AMER3: variants seen among roughly 807,000 people sequenced by gnomAD.
The protein encoded by AMER3 is family with sequence similarity 123C.
For synonymous variants in AMER3, 541 were observed against 485.5 expected (o/e 1.11, Z -1.50); for missense variants, 1,201 against 1,139.4 (o/e 1.05, Z -0.78).
Position 130,760,822 on chromosome 2 carries a change from C to G in AMER3, c.-19-1232C>G, listed in dbSNP as rs147765785. Among the ~76,000 whole-genome samples the G allele has an allele frequency of 1.3e-4, 20 of 152,214 alleles. No homozygotes were observed. In the East Asian group the frequency reaches 3.9e-3, roughly 29 times the overall value. The stretch of plus-strand genomic sequence containing the variant: ...AAGGCAGCATGTTTAAAAACTAAAC[C>G]CTAGCTCTTCTTTCACCTTGGCTCA... On this transcript the variant is annotated intron_variant, in intron 1 of 1. Coordinates refer to ENST00000321420, the MANE Select transcript of AMER3 (RefSeq NM_152698.3).
rs747613737 is a variant in AMER3 at position 130,763,587 on chromosome 2, C to T, written c.1515C>T (p.Thr505=). 6 of 1,609,308 alleles carry T rather than the reference C, an allele frequency of 3.7e-6. No homozygotes were observed. The East Asian group carries it at 1.3e-4, about 36-fold the overall frequency. ...LKLCDTELAI[T]MGIVSWLRRG... ...TGTGTGACACTGAGCTCGCCATCAC[C>T]ATGGGCATCGTCAGCTGGCTGCGCC... Residue 505 remains threonine (T), a synonymous_variant, in exon 2 of 2, where the codon ACC becomes ACT. Coordinates refer to ENST00000321420, the MANE Select transcript of AMER3 (RefSeq NM_152698.3).
In AMER3 at chr2:130,762,446, G is replaced by A. The variant is rs565272682; in HGVS notation, c.374G>A (p.Arg125His). Residue 125 changes from arginine to histidine, a missense_variant, in exon 2 of 2, where the codon CGC becomes CAC. Transcript: ENST00000321420. ...ASFPGSPGSR[R>H]MIDYRHFVPQ... is the part of the protein sequence containing the mutation. ...TTCCCGGGCTCCCCGGGCAGCCGGC[G>A]CATGATCGACTACCGCCACTTTGTG... The A allele has an allele frequency of 1.4e-5, 22 of 1,612,938 alleles. No individual in the cohort carries two copies. The highest frequency in any genetic ancestry group is 2.2e-5 in the East Asian group (1 of 44,874).
In AMER3 at chr2:130,762,411, C is replaced by T; in HGVS notation, c.339C>T (p.Gly113=). Residue 113 remains glycine, a synonymous_variant, in exon 2 of 2, where the codon GGC becomes GGT. Coordinates refer to ENST00000321420, the MANE Select transcript of AMER3 (RefSeq NM_152698.3). ...CGGCTGCCACAGGGCAGCTGGTGGGCAGTGCAAGCTTCCCGGGCTCCCCGG... is the reference window on the plus strand; with the variant it reads ...CGGCTGCCACAGGGCAGCTGGTGGGTAGTGCAAGCTTCCCGGGCTCCCCGG... ...RATAATGQLV[G]SASFPGSPGS... 2 of 1,612,238 alleles carry T rather than the reference C, an allele frequency of 1.2e-6. No individual in the cohort carries two copies. The highest frequency in any genetic ancestry group is 1.7e-6 in the Non-Finnish European group (2 of 1,179,742).
In AMER3 at chr2:130,764,284, G is replaced by T; in HGVS notation, c.2212G>T (p.Ala738Ser). 6.2e-7 allele frequency: 1 copy of T among 1,609,216 alleles called. No homozygotes were observed. The highest frequency in any genetic ancestry group is 2.2e-5 in the East Asian group (1 of 44,802). Residue 738 changes from alanine (A) to serine (S), a missense_variant, in exon 2 of 2, where the codon GCC becomes TCC. Coordinates refer to ENST00000321420, the MANE Select transcript of AMER3 (RefSeq NM_152698.3). ...MTTIHGLPYS[A>S]STQDQRCRDR... ...CACCATCCATGGCCTACCCTACTCA[G>T]CCAGCACACAGGACCAGAGGTGTCG...
chr2:130,756,116 C>A (rs1300579047), intron 1 of AMER3, among the ~76,000 whole-genome samples: 1 of 149,494 alleles, frequency 6.7e-6, no homozygotes, highest in Non-Finnish European at 1.5e-5. Context: ...CGGAGCAGCC[C>A]CCACCGCGGC....
At chr2:130,759,485 A>G (rs1335793686) in intron 1 of AMER3, among the ~76,000 whole-genome samples, 1 of 152,218 alleles carries the variant, frequency 6.6e-6, no homozygotes, top group African/African-American at 2.4e-5. Flanking sequence ...CAGAATGTCA[A>G]TCAAAAGATT....
At position 130,764,872 on chromosome 2, in the gene AMER3, A is replaced by AGCTGCAACCACCTAGCTGCTCCTCAT. The variant is rs1248747857; in HGVS notation, c.*217_*242dup. ...CAGCCCACCGCCAAAGACAGCGCGA[A>AGCTGCAACCACCTAGCTGCTCCTCAT]GCTGCAACCACCTAGCTGCTCCTCA... On this transcript the variant is annotated 3_prime_UTR_variant, in exon 2 of 2. Coordinates refer to ENST00000321420, the MANE Select transcript of AMER3 (RefSeq NM_152698.3). 1 of 611,046 alleles carries AGCTGCAACCACCTAGCTGCTCCTCAT rather than the reference A, an allele frequency of 1.6e-6. No individual in the cohort carries two copies. 37.9% of individuals were successfully genotyped at this position (611,046 alleles called of 1,614,324 possible).
chr2:130,756,960 C>CT (rs1364627340), intron 1 of AMER3, among the ~76,000 whole-genome samples: 8 of 152,134 alleles, frequency 5.3e-5, no homozygotes. Context: ...TGGGCCTGCG[C>CT]TTTTTTATCA....
intron 1 of AMER3, among the ~76,000 whole-genome samples, chr2:130,756,060 G>T (rs1252370678): frequency 2.0e-5 from 3 of 151,768 alleles, no homozygotes; most frequent in Non-Finnish European, 4.4e-5. Flanking sequence ...AGACAAAGCC[G>T]GCTCGAGCGC....
chr2:130,756,059 C>G (rs1196192985), intron 1 of AMER3, among the ~76,000 whole-genome samples: 1 of 151,806 alleles, frequency 6.6e-6, no homozygotes, highest in Non-Finnish European at 1.5e-5. Context: ...CAGACAAAGC[C>G]GGCTCGAGCG....
At chr2:130,756,035 C>T (rs1272200416) in intron 1 of AMER3, among the ~76,000 whole-genome samples, 1 of 152,056 alleles carries the variant, frequency 6.6e-6, no homozygotes, top group Admixed American at 6.5e-5. Flanking sequence ...GAAACAGAGA[C>T]GGGGCGATAC....
At chr2:130,756,539 C>T (rs550315107) in intron 1 of AMER3, among the ~76,000 whole-genome samples, 37 of 152,262 alleles carry the variant, frequency 2.4e-4, no homozygotes, top group Non-Finnish European at 5.1e-4. Flanking sequence ...CGGTTCCCGG[C>T]GCAGTCAGGG....
Position 130,762,465 on chromosome 2 carries a change from C to T in AMER3, c.393C>T (p.His131=), listed in dbSNP as rs1192609989. 1.9e-6 allele frequency: 3 copies of T among 1,613,004 alleles called. No homozygotes were observed. Among genetic ancestry groups the T allele is most frequent in the East Asian group, 4.5e-5 (2 of 44,898 alleles). Residue 131 remains histidine (H), a synonymous_variant, in exon 2 of 2, where the codon CAC becomes CAT. Coordinates refer to ENST00000321420, the MANE Select transcript of AMER3 (RefSeq NM_152698.3). ...GCCGGCGCATGATCGACTACCGCCA[C>T]TTTGTGCCCCAGATGCCCTTTGTGC... is the stretch of plus-strand genomic sequence containing the variant. ...PGSRRMIDYR[H]FVPQMPFVPA...
At position 130,763,708 on chromosome 2, in the gene AMER3, G is replaced by A. The variant is rs1413274848; in HGVS notation, c.1636G>A (p.Gly546Ser). ...APRAPTEKLGGREGLASDAGG... is the reference protein window; with the variant it reads ...APRAPTEKLGSREGLASDAGG... Reference sequence around the variant, plus strand: ...TAGGGCACCCACAGAGAAGCTGGGGGGCAGGGAGGGCCTGGCCTCAGATGC... The same window carrying A: ...TAGGGCACCCACAGAGAAGCTGGGGAGCAGGGAGGGCCTGGCCTCAGATGC... Residue 546 changes from glycine (G) to serine (S), a missense_variant, in exon 2 of 2, where the codon GGC (glycine) becomes AGC (serine). Coordinates refer to ENST00000321420, the MANE Select transcript of AMER3 (RefSeq NM_152698.3). 1.9e-6 allele frequency: 3 copies of A among 1,557,646 alleles called. No homozygotes were observed. Among genetic ancestry groups the A allele is most frequent in the East Asian group, 4.6e-5 (2 of 43,900 alleles).
intron 1 of AMER3, among the ~76,000 whole-genome samples, chr2:130,756,073 C>T (rs1430906540): frequency 6.7e-6 from 1 of 149,286 alleles, no homozygotes; most frequent in Non-Finnish European, 1.5e-5. Context: ...TCGAGCGCGG[C>T]CCGAGCGGCG....
Position 130,764,171 on chromosome 2 carries a change from A to G in AMER3, c.2099A>G (p.Asp700Gly), listed in dbSNP as rs1245432020. 9 of 1,608,480 alleles carry G rather than the reference A, an allele frequency of 5.6e-6. No individual in the cohort carries two copies. Among genetic ancestry groups the G allele is most frequent in the African/African-American group, 1.3e-5 (1 of 74,856 alleles). ...CCGGCCGCATGGCCTCCAAGGCAAG[A>G]CATGGGCAGTGGGCTCTTTGGGCAG... is the stretch of plus-strand genomic sequence containing the variant. Reference protein sequence around the residue: ...QPPAAWPPRQDMGSGLFGQRW... With the variant: ...QPPAAWPPRQGMGSGLFGQRW... The change falls in exon 2 of 2, where the codon GAC (aspartate) becomes GGC (glycine). Residue 700 changes from aspartate to glycine, a missense_variant. Coordinates refer to ENST00000321420, the MANE Select transcript of AMER3 (RefSeq NM_152698.3).
chr2:130,766,063 A>G lies in AMER3; in HGVS notation c.*1405A>G, dbSNP rs11893473. 34 of 167,180 alleles carry G rather than the reference A, an allele frequency of 2.0e-4. No homozygotes were observed. Among genetic ancestry groups the G allele is most frequent in the African/African-American group, 7.2e-4 (30 of 41,570 alleles). The allele number at this position is 167,180 out of a possible 1,614,324, so 10.4% of individuals were successfully genotyped here. Reference sequence around the variant, plus strand: ...CAAGGCAGTAGCTCCACCTAACATGATGCAACTATCCCGGGATTGTGATTT... The same window carrying G: ...CAAGGCAGTAGCTCCACCTAACATGGTGCAACTATCCCGGGATTGTGATTT... On this transcript the variant is annotated 3_prime_UTR_variant, in exon 2 of 2. Coordinates refer to ENST00000321420, the MANE Select transcript of AMER3 (RefSeq NM_152698.3).
Position 130,762,918 on chromosome 2 carries a change from G to A in AMER3, c.846G>A (p.Lys282=). 6.2e-7 allele frequency: 1 copy of A among 1,612,766 alleles called. No individual in the cohort carries two copies. The highest frequency in any genetic ancestry group is 8.5e-7 in the Non-Finnish European group (1 of 1,179,630). Residue 282 remains lysine, a synonymous_variant, in exon 2 of 2, where the codon AAG becomes AAA. Coordinates refer to ENST00000321420, the MANE Select transcript of AMER3 (RefSeq NM_152698.3). ...PTQAAQGLES[K]VPRGPLQGSV... is the part of the protein sequence containing the mutation. Reference sequence around the variant, plus strand: ...AGGCTGCTCAGGGCCTGGAGAGCAAGGTTCCCAGGGGCCCTCTCCAGGGCA... The same window carrying A: ...AGGCTGCTCAGGGCCTGGAGAGCAAAGTTCCCAGGGGCCCTCTCCAGGGCA...
chr2:130,756,919 C>G (rs949256523), intron 1 of AMER3, among the ~76,000 whole-genome samples: 1 of 151,946 alleles, frequency 6.6e-6, no homozygotes, highest in South Asian at 2.1e-4. Flanking sequence ...TGCCCCATAG[C>G]TCTACCGCCA....
Sources: gnomAD v4.1 joint callset for allele counts (sites outside exome capture counted in the v4.1 genomes callset) on GRCh38, gnomAD v4.1.1 for gene constraint, MANE v1.5 for transcripts, NCBI Gene and HGNC (gene_info 2026-07-23, HGNC 2026-07-21) for gene names.